Variants in RIC1 observed in about 807,000 individuals in gnomAD.
RIC1 encodes the protein guanine nucleotide exchange factor subunit RIC1.
RIC1 carries 88 observed loss-of-function variants against 169.0 expected under a neutral mutation model. That is an observed-to-expected ratio of 0.52 (90% confidence interval 0.44 to 0.62). RIC1 has a LOEUF of 0.62. RIC1 is among the 20% of genes least tolerant of loss of function. The probability of loss-of-function intolerance (pLI) is 0.00; values close to 1 mark genes in which losing one functional copy is unlikely to be tolerated. For synonymous variants in RIC1, 790 were observed against 601.5 expected (o/e 1.31, Z -4.59); for missense variants, 1,877 against 1,725.5 (o/e 1.09, Z -1.56).
intron 3 of RIC1, among the ~76,000 whole-genome samples, chr9:5,710,049 A>G (rs780627116): frequency 9.2e-5 from 14 of 152,206 alleles, no homozygotes; most frequent in Non-Finnish European, 1.9e-4. Flanking sequence ...AACTAGAGGT[A>G]TCTCCAACCC....
At chr9:5,725,963 G>T (rs897206663) in intron 6 of RIC1, among the ~76,000 whole-genome samples, 11 of 150,646 alleles carry the variant, frequency 7.3e-5, no homozygotes, top group African/African-American at 2.2e-4. Flanking sequence ...TTGCTGAGGG[G>T]TACTTCCAAC....
chr9:5,629,445 T>C lies in RIC1; in HGVS notation c.136T>C (p.Tyr46His). The stretch of plus-strand genomic sequence containing the variant: ...GGCCGCGGCCCGCCTCAGCATCTGG[T>C]ACAGCCGAGTAAGTAGAGCCGCCCG... ...VLAAARLSIW[Y>H]SRPSVLIVTY... The change falls in exon 1 of 26, where the codon TAC becomes CAC. Residue 46 changes from tyrosine to histidine, a missense_variant. This residue lies in a region of RIC1 where 1,104 missense variants were observed against 992.0 expected (regional missense o/e 1.11). Coordinates refer to ENST00000414202, the MANE Select transcript of RIC1 (RefSeq NM_020829.4). The C allele has an allele frequency of 6.5e-7, 1 of 1,531,302 alleles. No homozygotes were observed. Among genetic ancestry groups the C allele is most frequent in the Non-Finnish European group, 8.7e-7 (1 of 1,144,984 alleles). 94.9% of individuals were successfully genotyped at this position (1,531,302 alleles called of 1,614,324 possible).
At chr9:5,645,026 C>T (rs941225148) in intron 1 of RIC1, among the ~76,000 whole-genome samples, 24 of 152,056 alleles carry the variant, frequency 1.6e-4, no homozygotes, top group African/African-American at 5.6e-4. Context: ...TATCTTATTC[C>T]ATTTATATAT....
In RIC1 at chr9:5,675,179, G is replaced by A. The variant is rs1220891028; in HGVS notation, c.253-14780G>A. ...AGACCGCACAGGCTAAACTAATTCCGATTGGCTAATTTAAAGAGAGTGACT... is the reference window on the plus strand; with the variant it reads ...AGACCGCACAGGCTAAACTAATTCCAATTGGCTAATTTAAAGAGAGTGACT... On this transcript the variant is annotated intron_variant, in intron 2 of 25. Coordinates refer to ENST00000414202, the MANE Select transcript of RIC1 (RefSeq NM_020829.4). 5.3e-5 allele frequency among the ~76,000 whole-genome samples: 8 copies of A among 152,198 alleles called. No individual in the cohort carries two copies. The South Asian group carries it at 8.3e-4, about 16-fold the overall frequency.
At chr9:5,716,035 G>C (rs1007151390) in intron 4 of RIC1, among the ~76,000 whole-genome samples, 53 of 152,032 alleles carry the variant, frequency 3.5e-4, no homozygotes, top group Non-Finnish European at 4.4e-4. Context: ...GTAGAGACAA[G>C]GTTTCACCAT....
At chr9:5,756,135 A>G in intron 15 of RIC1, 77 bp from the exon 16 acceptor site, 2 of 961,844 alleles carry the variant, frequency 2.1e-6, no homozygotes, top group Non-Finnish European at 2.8e-6. Context: ...GAAGTTAAAA[A>G]CAGCATGTTT....
At chr9:5,748,232 C>T (rs7846809) in intron 12 of RIC1, among the ~76,000 whole-genome samples, 40,866 of 152,006 alleles carry the variant, frequency 0.27, 6,025 homozygotes, top group East Asian at 0.51. Flanking sequence ...ATTTTAGGTA[C>T]ATCAAAGCCC....
chr9:5,767,244 A>C (rs1826837333), intron 21 of RIC1, among the ~76,000 whole-genome samples: 1 of 152,234 alleles, frequency 6.6e-6, no homozygotes, highest in South Asian at 2.1e-4. Flanking sequence ...CCTATTGATT[A>C]GAGAAGTTAT....
At chr9:5,750,211 C>A (rs1288415603) in intron 12 of RIC1, among the ~76,000 whole-genome samples, 1 of 151,818 alleles carries the variant, frequency 6.6e-6, no homozygotes, top group Non-Finnish European at 1.5e-5. Flanking sequence ...CACAAAGTTT[C>A]TAGTTTTAGG....
At position 5,754,821 on chromosome 9, in the gene RIC1, T is replaced by TA. The variant is rs1563952722; in HGVS notation, c.1603-14dup. 2.7e-6 allele frequency: 4 copies of TA among 1,495,720 alleles called. No homozygotes were observed. The highest frequency in any genetic ancestry group is 2.3e-5 in the East Asian group (1 of 43,556). 92.7% of individuals were successfully genotyped at this position (1,495,720 alleles called of 1,614,324 possible). A position where few individuals can be genotyped will look rare whatever the true frequency, so the allele number is the denominator to read the frequency against. ...TTCTGGTAGCATAAGGTAAATTTTTTAAAAAATTTTTATTTTAAGGAGCAA... is the reference window on the plus strand; with the variant it reads ...TTCTGGTAGCATAAGGTAAATTTTTTAAAAAAATTTTTATTTTAAGGAGCAA... On this transcript the variant is annotated intron_variant, in intron 14 of 25. Transcript: ENST00000414202.
intron 2 of RIC1, among the ~76,000 whole-genome samples, chr9:5,677,138 G>C (rs766525208): frequency 2.0e-5 from 3 of 152,128 alleles, no homozygotes; most frequent in African/African-American, 7.2e-5. Flanking sequence ...TTACATTCCC[G>C]CTAGCAGTGT....
intron 16 of RIC1, among the ~76,000 whole-genome samples, chr9:5,756,691 C>T (rs1204509183): frequency 2.6e-5 from 4 of 152,138 alleles, no homozygotes; most frequent in South Asian, 2.1e-4. Context: ...CTGGTGCTCT[C>T]GATACTTGGT....
At chr9:5,721,866 C>T (rs1221655394) in intron 6 of RIC1, among the ~76,000 whole-genome samples, 1 of 150,964 alleles carries the variant, frequency 6.6e-6, no homozygotes, top group Non-Finnish European at 1.5e-5. Context: ...ATTAGCTGTT[C>T]TGTTCATTTC....
intron 1 of RIC1, among the ~76,000 whole-genome samples, chr9:5,634,986 C>A (rs1012619883): frequency 1.3e-5 from 2 of 152,060 alleles, no homozygotes; most frequent in African/African-American, 2.4e-5. Flanking sequence ...AGATTTTATT[C>A]ATCATCATCA....
intron 3 of RIC1, among the ~76,000 whole-genome samples, chr9:5,693,533 GTA>G (rs1178424291): frequency 6.6e-6 from 1 of 152,070 alleles, no homozygotes; most frequent in Admixed American, 6.5e-5. Context: ...AGATTCCATT[GTA>G]TATTACATTA....
chr9:5,691,821 G>A (rs188293930), intron 3 of RIC1, among the ~76,000 whole-genome samples: 3 of 152,008 alleles, frequency 2.0e-5, no homozygotes, highest in Admixed American at 2.0e-4. Context: ...TGTGGGCATG[G>A]TAGAGAAATA....
intron 22 of RIC1, chr9:5,769,568 C>G: frequency 2.3e-6 from 2 of 861,386 alleles, no homozygotes; most frequent in Non-Finnish European, 3.3e-6. Context: ...GGAAGGAGTT[C>G]TGGAATCAGA....
intron 2 of RIC1, among the ~76,000 whole-genome samples, chr9:5,667,963 A>G (rs922898222): frequency 1.3e-5 from 2 of 152,180 alleles, no homozygotes; most frequent in African/African-American, 4.8e-5. Flanking sequence ...GCTATAAAGA[A>G]CTGCCCAAGA....
chr9:5,758,310 C>G (rs1183412249), intron 17 of RIC1, among the ~76,000 whole-genome samples: 1 of 152,264 alleles, frequency 6.6e-6, no homozygotes, highest in South Asian at 2.1e-4. Flanking sequence ...AACTGGGAAC[C>G]TACTGTCAGA....
Sources: allele counts gnomAD v4.1 joint callset (sites outside exome capture counted in the v4.1 genomes callset), GRCh38; gene constraint gnomAD v4.1.1; regional missense constraint gnomAD v4.1.1; transcripts MANE v1.5; gene names NCBI Gene and HGNC (gene_info 2026-07-23, HGNC 2026-07-21).